The following DPP4 variants were observed in gnomAD, a reference collection of about 807,000 sequenced individuals.
The protein encoded by DPP4 is ADCP-2.
A neutral mutation model predicts 122.4 loss-of-function variants in DPP4; 93 were observed. The observed-to-expected ratio is 0.76, with a 90% CI of 0.64 to 0.90. The LOEUF (loss-of-function observed/expected upper bound fraction) is 0.90. Among genes scored for constraint, DPP4 ranks in the 40% least tolerant of loss-of-function variants. DPP4 has a pLI of 0.00. For missense variants in DPP4, 914 were observed against 907.3 expected (o/e 1.01, Z -0.09); for synonymous variants, 321 against 302.9 (o/e 1.06, Z -0.62).
chr2:161,999,278 T>A (rs1252546823), intron 23 of DPP4, among the ~76,000 whole-genome samples: 2 of 152,122 alleles, frequency 1.3e-5, no homozygotes, highest in African/African-American at 4.8e-5. Context: ...AGGCATGAAT[T>A]TAAGGTATGA....
intron 10 of DPP4, among the ~76,000 whole-genome samples, chr2:162,026,868 T>C (rs1481049361): frequency 6.6e-6 from 1 of 152,222 alleles, no homozygotes; most frequent in Non-Finnish European, 1.5e-5. Context: ...ATTAGTTTTT[T>C]AGACCAGACG....
intron 2 of DPP4, among the ~76,000 whole-genome samples, chr2:162,051,587 A>G (rs1684385682): frequency 6.6e-6 from 1 of 152,268 alleles, no homozygotes. Context: ...TATGGTAATC[A>G]GCTAACATTC....
At chr2:162,006,155 C>T (rs1200713487) in intron 22 of DPP4, among the ~76,000 whole-genome samples, 1 of 152,198 alleles carries the variant, frequency 6.6e-6, no homozygotes, top group African/African-American at 2.4e-5. Context: ...CAATAATCCA[C>T]ATGCAGAAAA....
intron 11 of DPP4, among the ~76,000 whole-genome samples, chr2:162,024,009 A>G (rs1453013687): frequency 1.3e-5 from 2 of 152,360 alleles, no homozygotes; most frequent in African/African-American, 4.8e-5. Context: ...ATAAATTAAT[A>G]AGTGAATCAA....
intron 8 of DPP4, 87 bp from the exon 9 acceptor site, chr2:162,035,411 T>C: frequency 7.9e-7 from 1 of 1,266,768 alleles, no homozygotes; most frequent in Non-Finnish European, 1.1e-6. Flanking sequence ...TTAGCTTTAG[T>C]AATTACAGTA....
rs760679238 is a variant in DPP4, at chr2:162,017,124, G to A, written c.1452C>T (p.Ser484=). The A allele has an allele frequency of 3.5e-5, 57 of 1,612,072 alleles. No individual in the cohort carries two copies. The South Asian group carries it at 6.2e-4, about 17-fold the overall frequency. The part of the protein sequence containing the change: ...GPGLPLYTLH[S]SVNDKGLRVL... ...AGAAAATACCTTTATCATTCACGCT[G>A]CTGTGTAGAGTATAGAGGGGCAGAC... The change falls in exon 17 of 26, where the codon AGC becomes AGT. Residue 484 remains serine (S), a synonymous_variant. Transcript: ENST00000360534.
At chr2:162,057,334 A>C (rs961654499) in intron 2 of DPP4, among the ~76,000 whole-genome samples, 4 of 152,216 alleles carry the variant, frequency 2.6e-5, no homozygotes, top group African/African-American at 9.6e-5. Context: ...CCAGTCACCT[A>C]CTGGCTTTCA....
intron 2 of DPP4, among the ~76,000 whole-genome samples, chr2:162,048,285 A>G (rs1257365948): frequency 6.6e-6 from 1 of 152,134 alleles, no homozygotes; most frequent in East Asian, 1.9e-4. Flanking sequence ...TTTTTCCACC[A>G]TGCCCATCTA....
intron 23 of DPP4, among the ~76,000 whole-genome samples, chr2:162,001,889 G>T (rs930162056): frequency 6.6e-6 from 1 of 152,166 alleles, no homozygotes. Flanking sequence ...CCCATTTAGA[G>T]CTTCCGGTAT....
At chr2:161,999,829 T>G (rs1291716047) in intron 23 of DPP4, among the ~76,000 whole-genome samples, 1 of 152,230 alleles carries the variant, frequency 6.6e-6, no homozygotes, top group Non-Finnish European at 1.5e-5. Flanking sequence ...TGGTGGCAGC[T>G]GCCATGTTTT....
In DPP4 at chr2:162,016,834, C is replaced by G. The variant is rs770630261; in HGVS notation, c.1501G>C (p.Asp501His). The change falls in exon 18 of 26, where the codon GAT (aspartate) becomes CAT (histidine). Residue 501 changes from aspartate (D) to histidine (H), a missense_variant. Transcript: ENST00000360534. ...LRVLEDNSAL[D>H]KMLQNVQMPS... ...ATCTGGACATTCTGCAGCATTTTAT[C>G]CAAAGCTGAATTGTCTTCCAGGACT... 6.8e-6 allele frequency: 11 copies of G among 1,612,958 alleles called. No individual in the cohort carries two copies. The highest frequency in any genetic ancestry group is 5.0e-5 in the Admixed American group (3 of 59,738).
At chr2:161,999,236 AG>A (rs1352527178) in intron 23 of DPP4, among the ~76,000 whole-genome samples, 1 of 152,220 alleles carries the variant, frequency 6.6e-6, no homozygotes, top group African/African-American at 2.4e-5. Context: ...TAAGCTGTAA[AG>A]ATAACATACA....
chr2:162,066,474 G>A (rs767149997), intron 2 of DPP4, among the ~76,000 whole-genome samples: 18 of 152,094 alleles, frequency 1.2e-4, no homozygotes, highest in Admixed American at 3.3e-4. Context: ...TGTGTCTGCC[G>A]GTCCTCTCTA....
intron 16 of DPP4, among the ~76,000 whole-genome samples, chr2:162,018,348 G>C (rs1333212557): frequency 6.6e-6 from 1 of 152,186 alleles, no homozygotes; most frequent in South Asian, 2.1e-4. Context: ...ATTAATAATA[G>C]CAACAGCAAC....
intron 22 of DPP4, 68 bp downstream of exon 22, chr2:162,008,494 A>G: frequency 6.8e-6 from 9 of 1,318,628 alleles, no homozygotes; most frequent in Non-Finnish European, 9.9e-6. Context: ...TCAGAAAGGA[A>G]TGGCTTTGTT....
chr2:162,047,489 G>T lies in DPP4; in HGVS notation c.107C>A (p.Thr36Lys). Residue 36 changes from threonine to lysine, a missense_variant, in exon 3 of 26, where the codon ACA becomes AAA. By Grantham distance (78) the Thr-to-Lys change is moderately conservative. Transcript: ENST00000360534. ...VLLNKGTDDA[T>K]ADSRKTYTLT... ...AGTGTAAGTTTTGCGACTGTCAGCT[G>T]TAGCATCATCTGCTGGTTGAAAGAA... 1 of 1,571,992 alleles carries T rather than the reference G, an allele frequency of 6.4e-7. No individual in the cohort carries two copies.
At chr2:162,002,607 A>G (rs1701178689) in intron 23 of DPP4, among the ~76,000 whole-genome samples, 1 of 152,062 alleles carries the variant, frequency 6.6e-6, no homozygotes, top group South Asian at 2.1e-4. Context: ...TCCTCTAAGG[A>G]ATTGTCTCCT....
intron 23 of DPP4, among the ~76,000 whole-genome samples, chr2:162,004,845 A>T (rs1701241302): frequency 6.6e-6 from 1 of 151,082 alleles, no homozygotes; most frequent in Admixed American, 6.6e-5. Flanking sequence ...AGTTATTCTT[A>T]TTGTTTTTCT....
At position 162,074,001 on chromosome 2, in the gene DPP4, G is replaced by T. The variant is rs1399577736; in HGVS notation, c.-20C>A. On this transcript the variant is annotated 5_prime_UTR_variant, in exon 1 of 26. Transcript: ENST00000360534. ...CTTCATCGTCGGCGTCTCCTCGGAA[G>T]TGAGCGTTCAGAGAAGGAGCGCAGG... 6.2e-7 allele frequency: 1 copy of T among 1,611,340 alleles called. No individual in the cohort carries two copies. Among genetic ancestry groups the T allele is most frequent in the Admixed American group, 1.7e-5 (1 of 59,706 alleles).
Sources: gnomAD v4.1 joint callset for allele counts (sites outside exome capture counted in the v4.1 genomes callset) on GRCh38, gnomAD v4.1.1 for gene constraint, MANE v1.5 for transcripts, NCBI Gene and HGNC (gene_info 2026-07-23, HGNC 2026-07-21) for gene names.